The following HIP1 variants were observed in gnomAD, a reference collection of about 807,000 sequenced individuals.
The protein encoded by HIP1 is huntingtin-interacting protein 1.
Under a neutral mutation model 147.6 loss-of-function variants are expected in HIP1, and 65 were observed. The observed-to-expected ratio is 0.44, with a 90% CI of 0.36 to 0.54. The LOEUF (loss-of-function observed/expected upper bound fraction) is 0.54, where lower values mean the gene tolerates loss of function less well. Among genes scored for constraint, HIP1 ranks in the 20% least tolerant of loss-of-function variants. HIP1 has a pLI of 0.00. For synonymous variants in HIP1, 479 were observed against 504.0 expected (o/e 0.95, Z 0.67); for missense variants, 1,061 against 1,299.6 (o/e 0.82, Z 2.82).
chr7:75,731,817 C>T (rs1191875660), intron 1 of HIP1, among the ~76,000 whole-genome samples: 1 of 152,128 alleles, frequency 6.6e-6, no homozygotes, highest in African/African-American at 2.4e-5. Context: ...TGTGGGAACC[C>T]ATCAGGACCC....
In HIP1 at chr7:75,738,517, CT is replaced by C. The variant is rs560651934; in HGVS notation, c.120+283del. Reference sequence around the variant, plus strand: ...TCAGTTCCTTCCCCTCTCACCTCATCTTGGGACTCCTGCCCGGTACCCAGCC... The same window carrying C: ...TCAGTTCCTTCCCCTCTCACCTCATCTGGGACTCCTGCCCGGTACCCAGCC... On this transcript the variant is annotated intron_variant, in intron 1 of 30. Coordinates refer to ENST00000336926, the MANE Select transcript of HIP1 (RefSeq NM_005338.7). Among the ~76,000 whole-genome samples the C allele has an allele frequency of 2.4e-3, 373 of 152,250 alleles. 1 individual carries two copies. The Middle Eastern group carries it at 0.031, about 12-fold the overall frequency.
At chr7:75,651,058 G>A (rs997008837) in intron 1 of HIP1, among the ~76,000 whole-genome samples, 1 of 151,978 alleles carries the variant, frequency 6.6e-6, no homozygotes, top group Non-Finnish European at 1.5e-5. Context: ...TGAGAGCCAC[G>A]ACATGAGCTC....
chr7:75,738,754 C>T, intron 1 of HIP1, 47 bp downstream of exon 1: 1 of 1,579,938 alleles, frequency 6.3e-7, no homozygotes. Context: ...CCGGACACCG[C>T]GTCCCTCAGG....
chr7:75,664,485 T>C (rs1584933152), intron 1 of HIP1, among the ~76,000 whole-genome samples: 1 of 106,486 alleles, frequency 9.4e-6, no homozygotes, highest in South Asian at 2.8e-4. Context: ...TATACACACA[T>C]ATATACACAT....
intron 7 of HIP1, among the ~76,000 whole-genome samples, chr7:75,577,282 T>C (rs1049072022): frequency 3.5e-5 from 5 of 141,614 alleles, no homozygotes; most frequent in Admixed American, 1.5e-4. Flanking sequence ...CAGTGAGCTA[T>C]GATTGTGCCA....
At chr7:75,692,096 A>G (rs1554518208) in intron 1 of HIP1, among the ~76,000 whole-genome samples, 1 of 152,190 alleles carries the variant, frequency 6.6e-6, no homozygotes, top group African/African-American at 2.4e-5. Context: ...TGCTAGGCAC[A>G]GCTTCTAATA....
chr7:75,669,964 C>A (rs544460841), intron 1 of HIP1, among the ~76,000 whole-genome samples: 3 of 152,136 alleles, frequency 2.0e-5, no homozygotes, highest in South Asian at 2.1e-4. Context: ...TGATGCCCAG[C>A]TAATTTTTGT....
chr7:75,581,362 T>TC, intron 6 of HIP1, 64 bp from the exon 7 acceptor site: 1 of 1,179,774 alleles, frequency 8.5e-7, no homozygotes. Flanking sequence ...ACCTGTCCCC[T>TC]CCCCCACGCT....
At chr7:75,574,313 G>A (rs1276020501) in intron 7 of HIP1, among the ~76,000 whole-genome samples, 1 of 151,992 alleles carries the variant, frequency 6.6e-6, no homozygotes, top group Non-Finnish European at 1.5e-5. Flanking sequence ...TTTTGGCAGG[G>A]TGTGGTGGCT....
chr7:75,658,732 C>T (rs373537915), intron 1 of HIP1, among the ~76,000 whole-genome samples: 2 of 151,660 alleles, frequency 1.3e-5, no homozygotes, highest in South Asian at 2.1e-4. Context: ...CCTGGCAACG[C>T]GGCAAAACCC....
intron 1 of HIP1, among the ~76,000 whole-genome samples, chr7:75,656,385 C>T (rs2117200123): frequency 6.6e-6 from 1 of 151,204 alleles, no homozygotes; most frequent in Admixed American, 6.6e-5. Context: ...GGAGAAACAT[C>T]CTAGCTTGCG....
rs782645576 is a variant in HIP1, at chr7:75,557,786, A to G, written c.1465-16T>C. On this transcript the variant is annotated splice_polypyrimidine_tract_variant and intron_variant, in intron 15 of 30. Transcript: ENST00000336926. ...CCTCTGCATTCTGCAAAAGAAGAAC[A>G]GTGTCTTGAACCAGGAGATCCCAGG... 1 of 1,584,164 alleles carries G rather than the reference A, an allele frequency of 6.3e-7. No individual in the cohort carries two copies. Among genetic ancestry groups the G allele is most frequent in the South Asian group, 1.1e-5 (1 of 90,488 alleles).
chr7:75,547,006 A>G lies in HIP1; in HGVS notation c.2492T>C (p.Met831Thr), dbSNP rs781862643. ...CACGATGAGCACCTGAATAGCTTGC[A>G]TGAGGCTGGTACAGCAACCAAGGAT... ...ERILGCCTSL[M>T]QAIQVLIVAS... Residue 831 changes from methionine to threonine, a missense_variant, in exon 25 of 31, where the codon ATG becomes ACG. Coordinates refer to ENST00000336926, the MANE Select transcript of HIP1 (RefSeq NM_005338.7). The G allele has an allele frequency of 1.1e-5, 17 of 1,586,412 alleles. No individual in the cohort carries two copies. The African/African-American group carries it at 1.2e-4, about 11-fold the overall frequency.
At chr7:75,609,176 G>C (rs1797334800) in intron 1 of HIP1, among the ~76,000 whole-genome samples, 1 of 152,126 alleles carries the variant, frequency 6.6e-6, no homozygotes, top group South Asian at 2.1e-4. Flanking sequence ...GCAGCTCTGG[G>C]GGGGCTCACA....
intron 1 of HIP1, among the ~76,000 whole-genome samples, chr7:75,682,033 T>G (rs1800096946): frequency 7.0e-6 from 1 of 142,180 alleles, no homozygotes; most frequent in Admixed American, 7.0e-5. Context: ...TTTTTTTTTT[T>G]TTTTTTTTTT....
chr7:75,738,172 A>G (rs1317135622), intron 1 of HIP1, among the ~76,000 whole-genome samples: 1 of 152,088 alleles, frequency 6.6e-6, no homozygotes, highest in Non-Finnish European at 1.5e-5. Flanking sequence ...TTAGCCCCCA[A>G]AGTAATTTTC....
At chr7:75,714,091 G>C (rs1554520350) in intron 1 of HIP1, among the ~76,000 whole-genome samples, 1 of 151,300 alleles carries the variant, frequency 6.6e-6, no homozygotes, top group Admixed American at 6.6e-5. Context: ...CTAGGCTGGA[G>C]TGCAGTGGCG....
intron 1 of HIP1, among the ~76,000 whole-genome samples, chr7:75,675,065 C>T (rs1202191448): frequency 3.3e-5 from 5 of 152,008 alleles, no homozygotes; most frequent in South Asian, 2.1e-4. Context: ...TCCTATTATA[C>T]GTATGTTGAT....
rs1795294297 is a variant in HIP1 at position 75,563,279 on chromosome 7, G to T, written c.804-16C>A. Reference sequence around the variant, plus strand: ...ATCTTTCAACCTAGGGGTGGAGAAGGACCTGAGGGGTGCTGGGTGTCTTCA... The same window carrying T: ...ATCTTTCAACCTAGGGGTGGAGAAGTACCTGAGGGGTGCTGGGTGTCTTCA... On this transcript the variant is annotated splice_polypyrimidine_tract_variant and intron_variant, in intron 9 of 30. Transcript: ENST00000336926. The T allele has an allele frequency of 2.5e-6, 4 of 1,612,902 alleles. No individual in the cohort carries two copies. Among genetic ancestry groups the T allele is most frequent in the Non-Finnish European group, 3.4e-6 (4 of 1,179,052 alleles).
Sources: gnomAD v4.1 joint callset for allele counts (sites outside exome capture counted in the v4.1 genomes callset) on GRCh38, gnomAD v4.1.1 for gene constraint, MANE v1.5 for transcripts, NCBI Gene and HGNC (gene_info 2026-07-23, HGNC 2026-07-21) for gene names.